PAK5: variants seen among roughly 807,000 people sequenced by gnomAD.
PAK5 encodes serine/threonine-protein kinase PAK 5.
In PAK5, 16 loss-of-function variants were observed where a neutral mutation model predicts 65.9. The observed-to-expected ratio is 0.24, with a 90% CI of 0.16 to 0.37. The LOEUF (loss-of-function observed/expected upper bound fraction) is 0.37, where lower values mean the gene tolerates loss of function less well. PAK5 is among the 10% of genes least tolerant of loss of function. The probability of loss-of-function intolerance (pLI) is 1.00; values close to 1 mark genes in which losing one functional copy is unlikely to be tolerated. For missense variants in PAK5, 785 were observed against 903.9 expected (o/e 0.87, Z 1.69); for synonymous variants, 371 against 354.9 (o/e 1.05, Z -0.51).
intron 3 of PAK5, among the ~76,000 whole-genome samples, chr20:9,632,383 C>T (rs75795492): frequency 2.0e-5 from 3 of 152,220 alleles, no homozygotes; most frequent in East Asian, 3.9e-4. Context: ...GAGTGGCACA[C>T]GTTTGAAAGC....
At chr20:9,815,699 T>C (rs2049349005) in intron 1 of PAK5, among the ~76,000 whole-genome samples, 1 of 152,174 alleles carries the variant, frequency 6.6e-6, no homozygotes, top group Non-Finnish European at 1.5e-5. Flanking sequence ...ACCATAGCAA[T>C]TCTTTTTGTT....
intron 1 of PAK5, among the ~76,000 whole-genome samples, chr20:9,778,786 AG>A (rs2048912089): frequency 1.3e-5 from 2 of 152,300 alleles, no homozygotes; most frequent in Admixed American, 1.3e-4. Flanking sequence ...CCCACAGAAA[AG>A]GGTGCTCAGT....
intron 2 of PAK5, among the ~76,000 whole-genome samples, chr20:9,671,415 G>C (rs2047496380): frequency 1.3e-5 from 2 of 152,180 alleles, no homozygotes; most frequent in African/African-American, 4.8e-5. Flanking sequence ...AGCATAGAAT[G>C]TTCTTCCATT....
chr20:9,718,798 A>G (rs909214340), intron 1 of PAK5, among the ~76,000 whole-genome samples: 1 of 152,178 alleles, frequency 6.6e-6, no homozygotes, highest in African/African-American at 2.4e-5. Flanking sequence ...TTCTTTGTGT[A>G]TACTTTATAA....
intron 1 of PAK5, among the ~76,000 whole-genome samples, chr20:9,755,502 T>A (rs528933683): frequency 1.8e-4 from 27 of 152,220 alleles, no homozygotes; most frequent in Admixed American, 1.4e-3. Context: ...TGGCAGCTAG[T>A]TTTCAAAGGT....
At chr20:9,552,856 G>C (rs1362899281) in intron 7 of PAK5, among the ~76,000 whole-genome samples, 1 of 151,822 alleles carries the variant, frequency 6.6e-6, no homozygotes, top group Non-Finnish European at 1.5e-5. Flanking sequence ...AGGGTGCTAG[G>C]ACTACAGACA....
Position 9,539,411 on chromosome 20 carries a change from G to C in PAK5, c.*51C>G. On this transcript the variant is annotated 3_prime_UTR_variant, in exon 10 of 10. Coordinates refer to ENST00000353224, the MANE Select transcript of PAK5 (RefSeq NM_177990.4). ...GTTCTGTGTTTCCTTTTGTTCTCCT[G>C]AATTATTCTCATGTCCTCATCTAGC... The C allele has an allele frequency of 1.9e-6, 3 of 1,567,294 alleles. No individual in the cohort carries two copies. Among genetic ancestry groups the C allele is most frequent in the Non-Finnish European group, 2.6e-6 (3 of 1,139,874 alleles).
At chr20:9,797,452 C>T (rs575877091) in intron 1 of PAK5, among the ~76,000 whole-genome samples, 3 of 140,294 alleles carry the variant, frequency 2.1e-5, no homozygotes, top group Non-Finnish European at 4.5e-5. Context: ...ACAATGAGGA[C>T]ACTTGGACAC....
chr20:9,726,669 T>C (rs937902260), intron 1 of PAK5, among the ~76,000 whole-genome samples: 1 of 152,112 alleles, frequency 6.6e-6, no homozygotes, highest in African/African-American at 2.4e-5. Flanking sequence ...TTAAAAGTAT[T>C]AGTGACCAAA....
chr20:9,611,667 T>C (rs2046563585), intron 3 of PAK5, among the ~76,000 whole-genome samples: 1 of 152,230 alleles, frequency 6.6e-6, no homozygotes, highest in African/African-American at 2.4e-5. Flanking sequence ...TTGTTTTTAT[T>C]GTTGTTCTTC....
chr20:9,747,070 A>T (rs896835639), intron 1 of PAK5, among the ~76,000 whole-genome samples: 1 of 152,196 alleles, frequency 6.6e-6, no homozygotes, highest in Non-Finnish European at 1.5e-5. Context: ...TACGCAAAAA[A>T]ACTAGAAAAT....
intron 3 of PAK5, among the ~76,000 whole-genome samples, chr20:9,641,691 G>A (rs2047065447): frequency 6.6e-6 from 1 of 152,062 alleles, no homozygotes; most frequent in Non-Finnish European, 1.5e-5. Context: ...GGAGTGGGTG[G>A]GAGGCTCAGG....
intron 1 of PAK5, among the ~76,000 whole-genome samples, chr20:9,750,053 A>G (rs73245026): frequency 0.013 from 1,922 of 152,268 alleles, 44 homozygotes; most frequent in African/African-American, 0.043. Context: ...TAAATATCCA[A>G]TAAAATATTT....
chr20:9,592,310 G>GT (rs1204279097), intron 3 of PAK5, among the ~76,000 whole-genome samples: 1 of 152,184 alleles, frequency 6.6e-6, no homozygotes, highest in Non-Finnish European at 1.5e-5. Flanking sequence ...TAATATCCAT[G>GT]TAACAAACAA....
At chr20:9,558,410 G>A (rs1449966161) in intron 6 of PAK5, among the ~76,000 whole-genome samples, 1 of 152,042 alleles carries the variant, frequency 6.6e-6, no homozygotes, top group Non-Finnish European at 1.5e-5. Context: ...CCACTGTGCG[G>A]GGCTCCATGA....
intron 4 of PAK5, among the ~76,000 whole-genome samples, chr20:9,571,883 G>GT (rs541952872): frequency 7.3e-6 from 1 of 137,758 alleles, no homozygotes; most frequent in Non-Finnish European, 1.5e-5. Flanking sequence ...ATGGGGGGGG[G>GT]GGATGTGGTC....
At chr20:9,648,415 C>T (rs2047161470) in intron 2 of PAK5, among the ~76,000 whole-genome samples, 2 of 151,972 alleles carry the variant, frequency 1.3e-5, no homozygotes, top group African/African-American at 2.4e-5. Context: ...ACATAGGCAC[C>T]CCTTGCTTAG....
chr20:9,549,294 A>T (rs1356826446), intron 7 of PAK5, among the ~76,000 whole-genome samples: 2 of 152,096 alleles, frequency 1.3e-5, no homozygotes, highest in Admixed American at 1.3e-4. Flanking sequence ...CCCCATACAA[A>T]TAAGGGAGAG....
Position 9,580,700 on chromosome 20 carries a change from C to T in PAK5, c.435G>A (p.Lys145=), listed in dbSNP as rs1426796179. Residue 145 remains lysine, a synonymous_variant, in exon 4 of 10, where the codon AAG becomes AAA. Transcript: ENST00000353224. ...CTCCATAGAGACTCTTCTCCCTGTACTTTTCGGTCGTGTAGTCAGCAGTAG... is the reference window on the plus strand; with the variant it reads ...CTCCATAGAGACTCTTCTCCCTGTATTTTTCGGTCGTGTAGTCAGCAGTAG... ...SDTTADYTTE[K]YREKSLYGDD... is the part of the protein sequence containing the mutation. The T allele has an allele frequency of 1.2e-6, 2 of 1,613,912 alleles. No individual in the cohort carries two copies. The highest frequency in any genetic ancestry group is 2.7e-5 in the African/African-American group (2 of 74,850).
Sources: gnomAD v4.1 joint callset for allele counts (sites outside exome capture counted in the v4.1 genomes callset) on GRCh38, gnomAD v4.1.1 for gene constraint, MANE v1.5 for transcripts, NCBI Gene and HGNC (gene_info 2026-07-23, HGNC 2026-07-21) for gene names.